The following BRSK2 variants were observed in gnomAD, a reference collection of about 807,000 sequenced individuals.
BRSK2 encodes the protein BR serine/threonine kinase 2.
In BRSK2, 19 loss-of-function variants were observed where a neutral mutation model predicts 83.3. That is an observed-to-expected ratio of 0.23 (90% CI 0.16 to 0.33). The LOEUF is 0.33. BRSK2 is among the 10% of genes least tolerant of loss of function. The probability of loss-of-function intolerance (pLI) is 1.00; values close to 1 mark genes in which losing one functional copy is unlikely to be tolerated. For missense variants in BRSK2, 798 were observed against 1,042.3 expected, an observed-to-expected ratio of 0.77 and a Z score of 3.23; for synonymous variants, 519 against 435.4, an observed-to-expected ratio of 1.19 and a Z score of -2.39.
At chr11:1,406,887 C>T (rs1489086535) in intron 1 of BRSK2, among the ~76,000 whole-genome samples, 3 of 152,154 alleles carry the variant, frequency 2.0e-5, no homozygotes, top group East Asian at 3.9e-4. Flanking sequence ...TGTGCGCCTG[C>T]ATATCTGTGT....
At chr11:1,457,787 A>G (rs1478788302) in intron 18 of BRSK2, among the ~76,000 whole-genome samples, 3 of 152,072 alleles carry the variant, frequency 2.0e-5, no homozygotes, top group Non-Finnish European at 4.4e-5. Flanking sequence ...TCATCATGCC[A>G]TCACCTGTGG....
Position 1,445,604 on chromosome 11 carries a change from C to A in BRSK2, c.1011C>A (p.Leu337=). ...AGGAGAAGATGATTTACTTCCTCCTCCTGGACCGGAAAGAAAGGTACCCGA... is the reference window on the plus strand; with the variant it reads ...AGGAGAAGATGATTTACTTCCTCCTACTGGACCGGAAAGAAAGGTACCCGA... ...ENQEKMIYFL[L]LDRKERYPSQ... The change falls in exon 11 of 20, where the codon CTC becomes CTA. Residue 337 remains leucine (L), a synonymous_variant. Transcript: ENST00000528841. 2 of 1,573,544 alleles carry A rather than the reference C, an allele frequency of 1.3e-6. No individual in the cohort carries two copies. The highest frequency in any genetic ancestry group is 2.4e-5 in the East Asian group (1 of 42,470).
At chr11:1,446,016 G>T in intron 12 of BRSK2, 109 bp downstream of exon 12, 1 of 1,405,338 alleles carries the variant, frequency 7.1e-7, no homozygotes, top group Non-Finnish European at 9.4e-7. Context: ...TGAGGCCATT[G>T]GGTGGGGCTG....
At chr11:1,405,407 C>G (rs1293427836) in intron 1 of BRSK2, among the ~76,000 whole-genome samples, 2 of 152,114 alleles carry the variant, frequency 1.3e-5, no homozygotes, top group African/African-American at 2.4e-5. Context: ...CCAGCCTTCC[C>G]CCTGTGGCTC....
intron 1 of BRSK2, among the ~76,000 whole-genome samples, chr11:1,417,421 A>AAT (rs1369072396): frequency 6.6e-6 from 1 of 152,236 alleles, no homozygotes; most frequent in South Asian, 2.1e-4. Flanking sequence ...TCTCCAATGA[A>AAT]ATATATATAT....
At position 1,442,372 on chromosome 11, in the gene BRSK2, G is replaced by A. The variant is rs1851460165; in HGVS notation, c.414-118G>A. The stretch of plus-strand genomic sequence containing the variant: ...ACATCACCAGGCTGGGCTGCTATTG[G>A]CCCTTATGTGTGATTGGCGTTTGGA... On this transcript the variant is annotated intron_variant, in intron 4 of 19. Transcript: ENST00000528841. 8 of 709,672 alleles carry A rather than the reference G, an allele frequency of 1.1e-5. No individual in the cohort carries two copies. In the South Asian group the frequency reaches 1.3e-4, roughly 11 times the overall value. The allele number at this position is 709,672 out of a possible 1,614,324, so 44.0% of individuals were successfully genotyped here.
intron 16 of BRSK2, 78 bp from the exon 17 acceptor site, chr11:1,456,270 C>A: frequency 7.2e-7 from 1 of 1,393,392 alleles, no homozygotes; most frequent in Non-Finnish European, 9.6e-7. Context: ...GGGGCTGGCT[C>A]GCCCCAGGGC....
rs992823534 is a variant in BRSK2 at position 1,456,878 on chromosome 11, C to T, written c.1939+191C>T. 165 of 1,504,466 alleles carry T rather than the reference C, an allele frequency of 1.1e-4. 2 individuals carry two copies. Among genetic ancestry groups the T allele is most frequent in the Non-Finnish European group, 1.4e-5 (15 of 1,110,956 alleles). 93.2% of individuals were successfully genotyped at this position (1,504,466 alleles called of 1,614,324 possible). A position where few individuals can be genotyped will look rare whatever the true frequency, so the allele number is the denominator to read the frequency against. ...GAGCCCCTCCCTGGCCTGGCGGGACCACCCGCCTCGCCTCTGCACGCCAGG... is the reference window on the plus strand; with the variant it reads ...GAGCCCCTCCCTGGCCTGGCGGGACTACCCGCCTCGCCTCTGCACGCCAGG... On this transcript the variant is annotated intron_variant, in intron 18 of 19. Transcript: ENST00000528841.
Position 1,455,073 on chromosome 11 carries a change from C to T in BRSK2, c.1668+465C>T, listed in dbSNP as rs375680766. ...TCTCAGTTTCCCTGGTCTCACCCTG[C>T]CCTCGGAGGCCGGGTGGCTCTCCAC... is the stretch of plus-strand genomic sequence containing the variant. On this transcript the variant is annotated intron_variant, in intron 16 of 19. Coordinates refer to ENST00000528841, the MANE Select transcript of BRSK2 (RefSeq NM_001256627.2). Among the ~76,000 whole-genome samples, 27 of 152,300 alleles carry T rather than the reference C, an allele frequency of 1.8e-4. No individual in the cohort carries two copies. In the East Asian group the frequency reaches 3.5e-3, roughly 20 times the overall value.
At chr11:1,442,744 C>T (rs1851516539) in intron 5 of BRSK2, 138 bp downstream of exon 5, 3 of 707,212 alleles carry the variant, frequency 4.2e-6, no homozygotes, top group Non-Finnish European at 7.3e-6. Context: ...GTGCCTGAGC[C>T]TCCCAGTACC....
chr11:1,391,251 C>T (rs1020367869), intron 1 of BRSK2, among the ~76,000 whole-genome samples: 3 of 152,214 alleles, frequency 2.0e-5, no homozygotes, highest in African/African-American at 4.8e-5. Context: ...CAGCCATTTT[C>T]TTTCTTCTCT....
At chr11:1,443,923 T>C (rs1336452472) in intron 8 of BRSK2, among the ~76,000 whole-genome samples, 1 of 151,996 alleles carries the variant, frequency 6.6e-6, no homozygotes, top group African/African-American at 2.4e-5. Flanking sequence ...GGTGTGTGGG[T>C]GCACAAATGT....
At chr11:1,415,340 C>T (rs1005829870) in intron 1 of BRSK2, among the ~76,000 whole-genome samples, 11 of 152,126 alleles carry the variant, frequency 7.2e-5, no homozygotes, top group Non-Finnish European at 1.0e-4. Context: ...ATGATCCGCC[C>T]GTCTGGGCCT....
In BRSK2 at chr11:1,445,749, G is replaced by C. The variant is rs1221324464; in HGVS notation, c.1076-8G>C. The C allele has an allele frequency of 1.2e-6, 2 of 1,611,502 alleles. No individual in the cohort carries two copies. The highest frequency in any genetic ancestry group is 1.3e-5 in the African/African-American group (1 of 74,918). On this transcript the variant is annotated splice_region_variant and splice_polypyrimidine_tract_variant and intron_variant, in intron 11 of 19. Coordinates refer to ENST00000528841, the MANE Select transcript of BRSK2 (RefSeq NM_001256627.2). ...GGGCTGTCTGGCCTGACCTTCGTCTGTACTCAGACCCTCCCCGGAAGCGTG... is the reference window on the plus strand; with the variant it reads ...GGGCTGTCTGGCCTGACCTTCGTCTCTACTCAGACCCTCCCCGGAAGCGTG...
At chr11:1,433,544 C>T (rs1849871013) in intron 1 of BRSK2, among the ~76,000 whole-genome samples, 1 of 152,280 alleles carries the variant, frequency 6.6e-6, no homozygotes, top group Non-Finnish European at 1.5e-5. Context: ...ACGCCTTAGC[C>T]TTGCAGCCAG....
intron 1 of BRSK2, among the ~76,000 whole-genome samples, chr11:1,428,140 TG>T (rs1335669947): frequency 3.9e-5 from 6 of 152,210 alleles, no homozygotes; most frequent in Non-Finnish European, 8.8e-5. Flanking sequence ...AGGATGCAGC[TG>T]GGGACGGCTC....
chr11:1,396,418 G>T (rs376845941), intron 1 of BRSK2, among the ~76,000 whole-genome samples: 2 of 152,176 alleles, frequency 1.3e-5, no homozygotes, highest in African/African-American at 2.4e-5. Context: ...TCTCACTCCC[G>T]AGTCTGCGGA....
intron 3 of BRSK2, among the ~76,000 whole-genome samples, chr11:1,440,237 C>CACCAGGGCAGGAAGGGGAGG (rs1383099715): frequency 6.6e-6 from 1 of 152,150 alleles, no homozygotes; most frequent in Non-Finnish European, 1.5e-5. Flanking sequence ...GCTGGGAGCC[C>CACCAGGGCAGGAAGGGGAGG]ACCAGGGCAG....
intron 1 of BRSK2, chr11:1,411,532 ACAGAGTGC>A (rs1847499010): frequency 6.5e-7 from 1 of 1,545,868 alleles, no homozygotes; most frequent in African/African-American, 1.4e-5. Context: ...GCCGCACATC[ACAGAGTGC>A]CAGCTGGCCA....
Sources: gnomAD v4.1 joint callset for allele counts (sites outside exome capture counted in the v4.1 genomes callset) on GRCh38, gnomAD v4.1.1 for gene constraint, MANE v1.5 for transcripts, NCBI Gene and HGNC (gene_info 2026-07-23, HGNC 2026-07-21) for gene names.